FBLN7: variants seen among roughly 807,000 people sequenced by gnomAD.
The protein encoded by FBLN7 is fibulin 7.
FBLN7 carries 31 observed loss-of-function variants against 44.0 expected under a neutral mutation model. That is an observed-to-expected ratio of 0.70 (90% CI 0.53 to 0.95). FBLN7 has a LOEUF of 0.95. FBLN7 is among the 40% of genes least tolerant of loss of function. The pLI, the probability that FBLN7 is intolerant of heterozygous loss-of-function variation, is 0.00. For missense variants in FBLN7, 573 were observed against 618.5 expected, an observed-to-expected ratio of 0.93 and a Z score of 0.78; for synonymous variants, 262 against 253.4, an observed-to-expected ratio of 1.03 and a Z score of -0.32.
chr2:112,147,419 G>A (rs1471493341), intron 1 of FBLN7, among the ~76,000 whole-genome samples: 1 of 152,214 alleles, frequency 6.6e-6, no homozygotes, highest in African/African-American at 2.4e-5. Context: ...ACAGAGCCAA[G>A]TAGTCCCCTA....
At chr2:112,164,032 C>A (rs1043633577) in intron 2 of FBLN7, among the ~76,000 whole-genome samples, 7 of 152,120 alleles carry the variant, frequency 4.6e-5, no homozygotes, top group South Asian at 2.1e-4. Context: ...CAAAATGATG[C>A]CCTCTCTCCA....
chr2:112,188,512 A>G (rs944829606), downstream of FBLN7: 1 of 152,068 alleles, frequency 6.6e-6, no homozygotes, highest in East Asian at 1.9e-4. Flanking sequence ...GAGAGAAAAC[A>G]CTGGCCAGAG....
chr2:112,167,296 C>T (rs897655368), intron 3 of FBLN7, among the ~76,000 whole-genome samples: 2 of 152,190 alleles, frequency 1.3e-5, no homozygotes, highest in Non-Finnish European at 1.5e-5. Flanking sequence ...GGCCCAGGAA[C>T]ATAGTCGTGA....
In FBLN7 at chr2:112,138,601, G is replaced by C. The variant is rs989906224; in HGVS notation, c.-55G>C. 9 of 1,588,660 alleles carry C rather than the reference G, an allele frequency of 5.7e-6. No individual in the cohort carries two copies. The highest frequency in any genetic ancestry group is 1.8e-4 in the Middle Eastern group (1 of 5,626). On this transcript the variant is annotated 5_prime_UTR_variant, in exon 1 of 8. Coordinates refer to ENST00000331203, the MANE Select transcript of FBLN7 (RefSeq NM_153214.3). Reference sequence around the variant, plus strand: ...GCTGCCGCATCGCTGGGACAAACTCGGCAGCGGAGGCAAAGTTATTTCCCC... The same window carrying C: ...GCTGCCGCATCGCTGGGACAAACTCCGCAGCGGAGGCAAAGTTATTTCCCC...
chr2:112,147,504 C>T (rs1264006114), intron 1 of FBLN7, among the ~76,000 whole-genome samples: 4 of 152,206 alleles, frequency 2.6e-5, no homozygotes, highest in Non-Finnish European at 4.4e-5. Flanking sequence ...CTGCCGTCTA[C>T]ACAAGCACAA....
chr2:112,160,736 ACG>A (rs1553474956), intron 2 of FBLN7, among the ~76,000 whole-genome samples: 22 of 102,188 alleles, frequency 2.2e-4, no homozygotes, highest in African/African-American at 7.3e-4. Flanking sequence ...ACGCACGCAC[ACG>A]CACACACGCG....
chr2:112,191,349 T>C (rs1683482483), downstream of FBLN7, among the ~76,000 whole-genome samples: 1 of 152,112 alleles, frequency 6.6e-6, no homozygotes, highest in Non-Finnish European at 1.5e-5. Context: ...CTAATTTTTG[T>C]ATTTTCAGTA....
chr2:112,168,028 G>A (rs909883042), intron 3 of FBLN7, among the ~76,000 whole-genome samples: 3 of 152,138 alleles, frequency 2.0e-5, no homozygotes, highest in African/African-American at 4.8e-5. Flanking sequence ...TGTGGAGGGC[G>A]GACTTTGCCT....
chr2:112,167,771 T>C (rs957058813), intron 3 of FBLN7, among the ~76,000 whole-genome samples: 1 of 152,182 alleles, frequency 6.6e-6, no homozygotes, highest in South Asian at 2.1e-4. Context: ...AATTTTGAAG[T>C]GCTAATGCAT....
chr2:112,138,534 G>GT lies in FBLN7; in HGVS notation c.-122_-121insT. 7.2e-7 allele frequency: 1 copy of GT among 1,386,584 alleles called. No homozygotes were observed. Among genetic ancestry groups the GT allele is most frequent in the South Asian group, 1.3e-5 (1 of 76,682 alleles). The allele number at this position is 1,386,584 out of a possible 1,614,324, so 85.9% of individuals were successfully genotyped here. On this transcript the variant is annotated 5_prime_UTR_variant, in exon 1 of 8. Coordinates refer to ENST00000331203, the MANE Select transcript of FBLN7 (RefSeq NM_153214.3). ...GCCTCCCGCCTCCCCCCCTGCCCCA[G>GT]CCGCCCCCCGGCCGCGCGGCGCCCC...
At chr2:112,144,910 G>A (rs1680834341) in intron 1 of FBLN7, among the ~76,000 whole-genome samples, 1 of 152,210 alleles carries the variant, frequency 6.6e-6, no homozygotes, top group Non-Finnish European at 1.5e-5. Flanking sequence ...GCTGGTATAA[G>A]CATTCAAAAT....
At chr2:112,182,010 G>C in intron 5 of FBLN7, 134 bp downstream of exon 5, 1 of 1,124,382 alleles carries the variant, frequency 8.9e-7, no homozygotes, top group Non-Finnish European at 1.2e-6. Flanking sequence ...TGGCCACTTT[G>C]CATTATAGGT....
chr2:112,180,942 AAAAC>A (rs1399932278), intron 4 of FBLN7, among the ~76,000 whole-genome samples: 10 of 150,456 alleles, frequency 6.6e-5, no homozygotes, highest in South Asian at 2.1e-4. Context: ...AAAAAAAAAA[AAAAC>A]GAAAGAAAAA....
intron 1 of FBLN7, chr2:112,153,035 C>T (rs987501157): frequency 6.6e-6 from 1 of 152,168 alleles, no homozygotes; most frequent in African/African-American, 2.4e-5. Context: ...CCTCAGGCAA[C>T]TCCCCAAGTG....
chr2:112,181,595 C>T (rs899018643), intron 4 of FBLN7, 144 bp from the exon 5 acceptor site: 15 of 1,071,108 alleles, frequency 1.4e-5, no homozygotes, highest in African/African-American at 1.2e-4. Context: ...TGGTTGATTA[C>T]TTGTCTCTCC....
chr2:112,179,957 A>G (rs1211470881), intron 4 of FBLN7, among the ~76,000 whole-genome samples: 1 of 152,268 alleles, frequency 6.6e-6, no homozygotes, highest in Non-Finnish European at 1.5e-5. Flanking sequence ...AGATACCAAA[A>G]GCAATTACAA....
chr2:112,175,387 A>G (rs1275000674), intron 3 of FBLN7, among the ~76,000 whole-genome samples: 1 of 152,272 alleles, frequency 6.6e-6, no homozygotes, highest in Admixed American at 6.5e-5. Flanking sequence ...AGCTGTCTAC[A>G]CTGCACCTTT....
the FBLN7 span, among the ~76,000 whole-genome samples, chr2:112,226,296 TA>T: frequency 2.0e-5 from 3 of 150,122 alleles, no homozygotes; most frequent in Admixed American, 1.3e-4. Context: ...AAAATCTAAT[TA>T]AAAAAAAGCG....
At chr2:112,188,355 T>A (rs72831633), downstream of FBLN7, 1 of 152,150 alleles carries the variant, frequency 6.6e-6, no homozygotes, top group Non-Finnish European at 1.5e-5. Flanking sequence ...CTGTTCCACA[T>A]TATAAATTTG....
Sources: gnomAD v4.1 joint callset for allele counts (sites outside exome capture counted in the v4.1 genomes callset) on GRCh38, gnomAD v4.1.1 for gene constraint, MANE v1.5 for transcripts, NCBI Gene and HGNC (gene_info 2026-07-23, HGNC 2026-07-21) for gene names.